SPOCK1: variants seen among roughly 807,000 people sequenced by gnomAD.
SPOCK1 encodes testican-1.
SPOCK1 carries 23 observed loss-of-function variants against 55.3 expected under a neutral mutation model. The ratio of observed to expected loss-of-function variants is 0.42; its 90% CI spans 0.30 to 0.59. The LOEUF (loss-of-function observed/expected upper bound fraction) is 0.59. SPOCK1 is among the 20% of genes least tolerant of loss of function. The pLI is 0.22. For synonymous variants in SPOCK1, 226 were observed against 221.0 expected (o/e 1.02, Z -0.20); for missense variants, 499 against 552.5 (o/e 0.90, Z 0.97).
chr5:137,023,186 T>C (rs1317600718), intron 6 of SPOCK1, among the ~76,000 whole-genome samples: 1 of 152,208 alleles, frequency 6.6e-6, no homozygotes, highest in Non-Finnish European at 1.5e-5. Flanking sequence ...TTACAGGGCT[T>C]TTAAGAGGAT....
intron 6 of SPOCK1, among the ~76,000 whole-genome samples, chr5:137,058,499 C>A (rs929745191): frequency 2.0e-5 from 3 of 152,274 alleles, no homozygotes; most frequent in East Asian, 1.9e-4. Flanking sequence ...TACATATGTA[C>A]AATGGACAAC....
chr5:137,293,089 ATTTTTTTTTTTTTTTTT>A (rs531537488), intron 2 of SPOCK1, among the ~76,000 whole-genome samples: 8 of 100,850 alleles, frequency 7.9e-5, no homozygotes, highest in East Asian at 2.7e-4. Flanking sequence ...GGTTTGTTGA[ATTTTTTTTTTTTTTTTT>A]TTTTTTTTTT....
At chr5:137,464,566 G>A (rs949759157) in intron 2 of SPOCK1, among the ~76,000 whole-genome samples, 2 of 149,758 alleles carry the variant, frequency 1.3e-5, no homozygotes, top group Admixed American at 1.3e-4. Flanking sequence ...CAACTGAGGA[G>A]GTCAAATGGA....
intron 5 of SPOCK1, among the ~76,000 whole-genome samples, chr5:137,108,625 TA>T (rs1317538587): frequency 6.6e-6 from 1 of 152,174 alleles, no homozygotes; most frequent in Non-Finnish European, 1.5e-5. Flanking sequence ...AGAAGAATAT[TA>T]CAACCTTTGG....
At chr5:137,487,581 C>T (rs778375004) in intron 2 of SPOCK1, among the ~76,000 whole-genome samples, 3 of 152,106 alleles carry the variant, frequency 2.0e-5, no homozygotes, top group Non-Finnish European at 2.9e-5. Flanking sequence ...CTAAAGCCAA[C>T]GTCAGAGTCA....
chr5:137,129,732 T>C (rs1184416515), intron 4 of SPOCK1, among the ~76,000 whole-genome samples: 1 of 152,202 alleles, frequency 6.6e-6, no homozygotes. Flanking sequence ...ATGTTATCTA[T>C]AGGAGCAATA....
intron 3 of SPOCK1, among the ~76,000 whole-genome samples, chr5:137,197,182 C>T (rs1233392745): frequency 6.6e-6 from 1 of 152,218 alleles, no homozygotes; most frequent in African/African-American, 2.4e-5. Flanking sequence ...ACAACCAAAA[C>T]CTGCTCTGGA....
At chr5:137,242,680 G>C (rs1756309131) in intron 3 of SPOCK1, among the ~76,000 whole-genome samples, 1 of 152,172 alleles carries the variant, frequency 6.6e-6, no homozygotes, top group Non-Finnish European at 1.5e-5. Flanking sequence ...CGAGGCTGTA[G>C]TGAGCTGTGA....
chr5:137,273,003 A>G (rs867678379), intron 2 of SPOCK1, among the ~76,000 whole-genome samples: 1 of 152,152 alleles, frequency 6.6e-6, no homozygotes, highest in South Asian at 2.1e-4. Flanking sequence ...GAATAGAGCA[A>G]TTCTTTGATA....
At chr5:137,342,784 G>A (rs889753800) in intron 2 of SPOCK1, among the ~76,000 whole-genome samples, 11 of 152,230 alleles carry the variant, frequency 7.2e-5, no homozygotes, top group African/African-American at 2.7e-4. Context: ...TGGCAACACC[G>A]GAGAGTAGAA....
chr5:137,333,290 G>A (rs1291013575), intron 2 of SPOCK1, among the ~76,000 whole-genome samples: 19 of 152,220 alleles, frequency 1.2e-4, no homozygotes, highest in Admixed American at 1.2e-3. Flanking sequence ...GTAAAGGGAA[G>A]ACACTGAAGG....
At chr5:137,160,350 T>TTATATAAA (rs1377908995) in intron 3 of SPOCK1, among the ~76,000 whole-genome samples, 2 of 132,760 alleles carry the variant, frequency 1.5e-5, no homozygotes, top group Admixed American at 9.2e-5. Flanking sequence ...TTATATTATA[T>TTATATAAA]TATATAAATA....
chr5:137,344,639 G>A (rs1426466495), intron 2 of SPOCK1, among the ~76,000 whole-genome samples: 1 of 152,224 alleles, frequency 6.6e-6, no homozygotes, highest in Non-Finnish European at 1.5e-5. Flanking sequence ...ACAACTGCCT[G>A]CAACAGGGAA....
chr5:137,260,858 A>C (rs1580835004), intron 3 of SPOCK1, among the ~76,000 whole-genome samples: 1 of 152,236 alleles, frequency 6.6e-6, no homozygotes, highest in African/African-American at 2.4e-5. Flanking sequence ...AAAAGATGGC[A>C]GTGGGAACAG....
At chr5:137,487,121 A>AT (rs1039780112) in intron 2 of SPOCK1, among the ~76,000 whole-genome samples, 5 of 152,140 alleles carry the variant, frequency 3.3e-5, no homozygotes, top group East Asian at 1.9e-4. Context: ...CCTCTTGGCA[A>AT]TTTTTTTTAA....
intron 2 of SPOCK1, among the ~76,000 whole-genome samples, chr5:137,478,109 A>T (rs1348601325): frequency 6.6e-6 from 1 of 152,204 alleles, no homozygotes; most frequent in Non-Finnish European, 1.5e-5. Flanking sequence ...TAGCAGAACC[A>T]GGAAGATTAA....
intron 2 of SPOCK1, among the ~76,000 whole-genome samples, chr5:137,460,327 C>A (rs1753456566): frequency 1.3e-5 from 2 of 152,164 alleles, no homozygotes; most frequent in African/African-American, 4.8e-5. Flanking sequence ...GTATGCTTAA[C>A]AATCTTCACT....
At chr5:137,044,638 ATTTC>A (rs1165995759) in intron 6 of SPOCK1, among the ~76,000 whole-genome samples, 2 of 151,698 alleles carry the variant, frequency 1.3e-5, no homozygotes, top group African/African-American at 4.8e-5. Flanking sequence ...ATAAATGACT[ATTTC>A]TTTTTTTTTT....
At chr5:137,296,660 G>A (rs1422079967) in intron 2 of SPOCK1, among the ~76,000 whole-genome samples, 3 of 152,200 alleles carry the variant, frequency 2.0e-5, no homozygotes, top group Non-Finnish European at 4.4e-5. Context: ...GACAAGCACC[G>A]ATAAATCACA....
Sources: gnomAD v4.1 joint callset for allele counts (sites outside exome capture counted in the v4.1 genomes callset) on GRCh38, gnomAD v4.1.1 for gene constraint, MANE v1.5 for transcripts, NCBI Gene and HGNC (gene_info 2026-07-23, HGNC 2026-07-21) for gene names.